The following AHCYL1 variants were observed in gnomAD, a reference collection of about 807,000 sequenced individuals.
AHCYL1 encodes S-adenosylhomocysteine hydrolase-like protein 1.
In AHCYL1, 20 loss-of-function variants were observed where a neutral mutation model predicts 79.3. The observed-to-expected ratio is 0.25, with a 90% confidence interval of 0.18 to 0.37. The LOEUF is 0.37. Ranked by LOEUF, AHCYL1 falls within the 10% of genes least tolerant of loss-of-function variation. The pLI is 1.00. For synonymous variants in AHCYL1, 223 were observed against 242.2 expected, an observed-to-expected ratio of 0.92 and a Z score of 0.74; for missense variants, 330 against 673.6, an observed-to-expected ratio of 0.49 and a Z score of 5.65.
intron 1 of AHCYL1, among the ~76,000 whole-genome samples, chr1:110,001,537 T>C (rs968768930): frequency 2.6e-5 from 4 of 152,302 alleles, no homozygotes; most frequent in African/African-American, 9.6e-5. Flanking sequence ...TTATACCCTA[T>C]GAACCAATAC....
chr1:110,008,720 T>C (rs770413073), intron 1 of AHCYL1, among the ~76,000 whole-genome samples: 4 of 152,164 alleles, frequency 2.6e-5, no homozygotes, highest in African/African-American at 4.8e-5. Context: ...GTCAGGGTTA[T>C]AAGAGGGGAA....
At chr1:109,992,353 T>C (rs1393065293) in intron 1 of AHCYL1, among the ~76,000 whole-genome samples, 1 of 141,468 alleles carries the variant, frequency 7.1e-6, no homozygotes, top group Non-Finnish European at 1.5e-5. Context: ...GAGGTTGCAG[T>C]GAGCCAAGAT....
intron 1 of AHCYL1, chr1:109,995,762 T>C: frequency 3.4e-6 from 3 of 884,336 alleles, no homozygotes; most frequent in Non-Finnish European, 2.7e-6. Flanking sequence ...AAACTAGAGC[T>C]GTGTAATCAG....
Position 110,018,919 on chromosome 1 carries a change from A to T in AHCYL1, c.1318-132A>T, listed in dbSNP as rs956569944. On this transcript the variant is annotated intron_variant, in intron 13 of 16. Coordinates refer to ENST00000369799, the MANE Select transcript of AHCYL1 (RefSeq NM_006621.7). ...AAATAGGAAAAAGCCTAGAGTCCTG[A>T]TCTGGAACTGTAATTCTTCCTCTTC... is the stretch of plus-strand genomic sequence containing the variant. 6 of 892,540 alleles carry T rather than the reference A, an allele frequency of 6.7e-6. No individual in the cohort carries two copies. In the African/African-American group the frequency reaches 8.3e-5, roughly 12 times the overall value. 55.3% of individuals were successfully genotyped at this position (892,540 alleles called of 1,614,324 possible). A position where few individuals can be genotyped will look rare whatever the true frequency, so the allele number is the denominator to read the frequency against.
intron 1 of AHCYL1, among the ~76,000 whole-genome samples, chr1:109,991,747 T>C (rs1433246645): frequency 6.6e-6 from 1 of 152,136 alleles, no homozygotes; most frequent in African/African-American, 2.4e-5. Context: ...GTGAACTACG[T>C]AGTAAATTTG....
chr1:109,997,114 A>T (rs1650072931), intron 1 of AHCYL1, among the ~76,000 whole-genome samples: 1 of 152,206 alleles, frequency 6.6e-6, no homozygotes, highest in Admixed American at 6.5e-5. Flanking sequence ...AAATGCTAAG[A>T]ATGATTCTGA....
chr1:110,008,982 T>A, intron 1 of AHCYL1, 52 bp from the exon 2 acceptor site: 1 of 1,387,594 alleles, frequency 7.2e-7, no homozygotes, highest in Non-Finnish European at 1.0e-6. Flanking sequence ...AAAAAAAACA[T>A]TTCATGGATT....
rs1342538137 is a variant in AHCYL1, at chr1:110,021,872, T to C, written c.*192T>C. 1 of 561,362 alleles carries C rather than the reference T, an allele frequency of 1.8e-6. No homozygotes were observed. The highest frequency in any genetic ancestry group is 2.7e-5 in the South Asian group (1 of 37,388). 34.8% of individuals were successfully genotyped at this position (561,362 alleles called of 1,614,324 possible). A position where few individuals can be genotyped will look rare whatever the true frequency, so the allele number is the denominator to read the frequency against. ...TTGCTTCATGGCTCTTTAGATGAAATAGAAGTTCAGGGTTCCTCACTCTAG... is the reference window on the plus strand; with the variant it reads ...TTGCTTCATGGCTCTTTAGATGAAACAGAAGTTCAGGGTTCCTCACTCTAG... On this transcript the variant is annotated 3_prime_UTR_variant, in exon 17 of 17. Transcript: ENST00000369799.
chr1:110,020,382 A>C (rs780186514), intron 15 of AHCYL1, among the ~76,000 whole-genome samples: 52 of 152,276 alleles, frequency 3.4e-4, no homozygotes, highest in Middle Eastern at 6.8e-3. Flanking sequence ...AATCTAGTTA[A>C]GGAGGTTGCT....
At chr1:109,989,181 A>G (rs1245321483) in intron 1 of AHCYL1, among the ~76,000 whole-genome samples, 1 of 152,142 alleles carries the variant, frequency 6.6e-6, no homozygotes, top group Non-Finnish European at 1.5e-5. Flanking sequence ...TGGTTTAGTT[A>G]GTTACACTCT....
intron 4 of AHCYL1, 94 bp downstream of exon 4, chr1:110,012,556 T>A: frequency 2.0e-6 from 2 of 1,024,132 alleles, no homozygotes; most frequent in Non-Finnish European, 2.7e-6. Context: ...CTCGCCAACC[T>A]CCAAATGCTA....
chr1:110,015,658 T>G (rs1651370872), intron 7 of AHCYL1, 127 bp downstream of exon 7: 2 of 704,450 alleles, frequency 2.8e-6, no homozygotes. Flanking sequence ...GATAAAATTT[T>G]GAGTTTTTAC....
intron 5 of AHCYL1, 85 bp downstream of exon 5, chr1:110,013,084 T>G: frequency 1.0e-6 from 1 of 1,002,810 alleles, no homozygotes; most frequent in Non-Finnish European, 1.5e-6. Flanking sequence ...GTCATTACAA[T>G]ATCATATATG....
chr1:109,998,146 A>C (rs930197887), intron 1 of AHCYL1, among the ~76,000 whole-genome samples: 5 of 152,238 alleles, frequency 3.3e-5, no homozygotes, highest in Non-Finnish European at 7.3e-5. Flanking sequence ...GAATATAATC[A>C]CATACCAATT....
chr1:110,001,221 C>T (rs1263737060), intron 1 of AHCYL1, among the ~76,000 whole-genome samples: 2 of 151,398 alleles, frequency 1.3e-5, no homozygotes, highest in Non-Finnish European at 2.9e-5. Context: ...GAGTCTCGCT[C>T]TGTTGCCCAG....
At chr1:109,999,532 T>C (rs1033933206) in intron 1 of AHCYL1, among the ~76,000 whole-genome samples, 1 of 152,218 alleles carries the variant, frequency 6.6e-6, no homozygotes, top group Non-Finnish European at 1.5e-5. Flanking sequence ...ATTATTTAAT[T>C]GATTACTTTA....
intron 14 of AHCYL1, 51 bp from the exon 15 acceptor site, chr1:110,019,497 G>T: frequency 6.7e-7 from 1 of 1,498,398 alleles, no homozygotes; most frequent in Non-Finnish European, 9.1e-7. Context: ...ATTTTTATGT[G>T]CCTGTCTAAG....
intron 1 of AHCYL1, among the ~76,000 whole-genome samples, chr1:109,994,069 A>G (rs914879244): frequency 6.6e-6 from 1 of 152,198 alleles, no homozygotes; most frequent in Non-Finnish European, 1.5e-5. Flanking sequence ...CTCAAAAGCT[A>G]TACATGCCCT....
intron 4 of AHCYL1, 136 bp downstream of exon 4, chr1:110,012,598 A>C (rs1651109223): frequency 2.7e-6 from 2 of 737,140 alleles, no homozygotes; most frequent in Non-Finnish European, 2.0e-6. Context: ...TTACACAATA[A>C]TGGGGTTTTC....
Sources: gnomAD v4.1 joint callset for allele counts (sites outside exome capture counted in the v4.1 genomes callset) on GRCh38, gnomAD v4.1.1 for gene constraint, MANE v1.5 for transcripts, NCBI Gene and HGNC (gene_info 2026-07-23, HGNC 2026-07-21) for gene names.